CCDC51: variants seen among roughly 807,000 people sequenced by gnomAD.
CCDC51 encodes the protein coiled-coil domain containing 51, also known as mitochondrial potassium channel.
CCDC51 carries 25 observed loss-of-function variants against 24.8 expected under a neutral mutation model. The observed-to-expected ratio is 1.01, with a 90% CI of 0.73 to 1.41. CCDC51 has a LOEUF of 1.41. CCDC51 is among the 40% of genes most tolerant of loss of function. CCDC51 has a pLI of 0.00. For synonymous variants in CCDC51, 190 were observed against 204.3 expected, an observed-to-expected ratio of 0.93 and a Z score of 0.60; for missense variants, 466 against 519.1, an observed-to-expected ratio of 0.90 and a Z score of 0.99.
chr3:48,442,697 GC>G (rs2039598259), upstream of CCDC51, among the ~76,000 whole-genome samples: 1 of 151,804 alleles, frequency 6.6e-6, no homozygotes, highest in Non-Finnish European at 1.5e-5. Context: ...TGATCCACCC[GC>G]CTCCACCTCC....
chr3:48,440,668 T>C (rs2039538379), upstream of CCDC51: 2 of 1,571,212 alleles, frequency 1.3e-6, no homozygotes, highest in Non-Finnish European at 1.7e-6. Context: ...GGCCAAACGC[T>C]ATGAGCACCT....
upstream of CCDC51, among the ~76,000 whole-genome samples, chr3:48,442,450 C>T (rs2039592468): frequency 6.8e-6 from 1 of 147,470 alleles, no homozygotes; most frequent in Non-Finnish European, 1.5e-5. Flanking sequence ...TGTAACCCTA[C>T]ACTTTTTTTT....
chr3:48,443,730 GT>G, upstream of CCDC51: 1 of 670,774 alleles, frequency 1.5e-6, no homozygotes, highest in African/African-American at 1.9e-5. Flanking sequence ...ATCCATGCTT[GT>G]GTTAAAGTGA....
chr3:48,445,143 A>T (rs2039645088), upstream of CCDC51: 1 of 151,384 alleles, frequency 6.6e-6, no homozygotes, highest in Non-Finnish European at 1.5e-5. Flanking sequence ...ACTGCACTCC[A>T]GCCTGGGAGA....
At position 48,435,649 on chromosome 3, in the gene CCDC51, C is replaced by T. The variant is rs1358293595; in HGVS notation, c.-8-513G>A. Among the ~76,000 whole-genome samples, 1 of 152,160 alleles carries T rather than the reference C, an allele frequency of 6.6e-6. No individual in the cohort carries two copies. Among genetic ancestry groups the T allele is most frequent in the Non-Finnish European group, 1.5e-5 (1 of 68,030 alleles). On this transcript the variant is annotated intron_variant, in intron 1 of 3. Transcript: ENST00000395694. This position sits in a 1 kb window ranked among gnomAD's most constrained non-coding sequence, Gnocchi z 4.2. ...ACAGCCTCAAAACCAACTCCCCAGACTCTCCAAGGACTGCCTCAGCACAAG... is the reference window on the plus strand; with the variant it reads ...ACAGCCTCAAAACCAACTCCCCAGATTCTCCAAGGACTGCCTCAGCACAAG...
At chr3:48,441,651 C>T (rs1021873107), upstream of CCDC51, among the ~76,000 whole-genome samples, 1 of 152,166 alleles carries the variant, frequency 6.6e-6, no homozygotes, top group Non-Finnish European at 1.5e-5. Context: ...TTTTTTACAT[C>T]TTTTATGTAG....
At chr3:48,445,603 G>A in the CCDC51 span, among the ~76,000 whole-genome samples, 1 of 152,210 alleles carries the variant, frequency 6.6e-6, no homozygotes, top group Non-Finnish European at 1.5e-5. Context: ...TCCAGGACCA[G>A]AGTCCTGCAG....
chr3:48,440,339 G>A (rs2039526098), upstream of CCDC51: 4 of 1,611,686 alleles, frequency 2.5e-6, no homozygotes, highest in Non-Finnish European at 2.5e-6. Context: ...CGTGAGGACT[G>A]CGGGGACGGC....
In CCDC51 at chr3:48,433,555, T is replaced by C. The variant is rs1011960620; in HGVS notation, c.477+152A>G. 4 of 808,774 alleles carry C rather than the reference T, an allele frequency of 4.9e-6. No individual in the cohort carries two copies. The highest frequency in any genetic ancestry group is 5.9e-6 in the Non-Finnish European group (3 of 507,524). The allele number at this position is 808,774 out of a possible 1,614,324, so 50.1% of individuals were successfully genotyped here. On this transcript the variant is annotated intron_variant, in intron 3 of 3. Transcript: ENST00000395694. This position sits in a 1 kb window ranked among gnomAD's most constrained non-coding sequence, Gnocchi z 4.4. Reference sequence around the variant, plus strand: ...AAGTATATGGATAGACTCTGGAAGCTTGGGGTTCTGTCCATCCATAGGAGC... The same window carrying C: ...AAGTATATGGATAGACTCTGGAAGCCTGGGGTTCTGTCCATCCATAGGAGC...
Position 48,433,206 on chromosome 3 carries a change from A to C in CCDC51, c.478-40T>G. On this transcript the variant is annotated intron_variant, in intron 3 of 3. Coordinates refer to ENST00000395694, the MANE Select transcript of CCDC51 (RefSeq NM_001256964.2). The surrounding 1 kb of genome is among the most constrained non-coding windows in gnomAD (Gnocchi z 4.4). ...CCATGTTATTGGATTACATGGGCAC[A>C]AGGTGGCCCTGCAGCTATAGCCACC... 6.3e-7 allele frequency: 1 copy of C among 1,586,870 alleles called. No homozygotes were observed. Among genetic ancestry groups the C allele is most frequent in the Non-Finnish European group, 8.6e-7 (1 of 1,164,098 alleles).
intron 1 of CCDC51, among the ~76,000 whole-genome samples, chr3:48,436,385 G>A (rs545147413): frequency 7.9e-5 from 12 of 152,314 alleles, no homozygotes; most frequent in Middle Eastern, 3.4e-3. Context: ...GAAGCTCAGC[G>A]GCTTTGAAAA....
chr3:48,440,059 G>C lies in CCDC51; in HGVS notation c.-80C>G. 1 of 653,936 alleles carries C rather than the reference G, an allele frequency of 1.5e-6. No homozygotes were observed. Among genetic ancestry groups the C allele is most frequent in the South Asian group, 2.3e-5 (1 of 43,546 alleles). 40.5% of individuals were successfully genotyped at this position (653,936 alleles called of 1,614,324 possible). A position where few individuals can be genotyped will look rare whatever the true frequency, so the allele number is the denominator to read the frequency against. ...GGTTAAGTACCCCTCCTACGGTTCC[G>C]ATTCTACCCTGGCAGGACAACCCTA... On this transcript the variant is annotated 5_prime_UTR_variant, in exon 1 of 4. In the 5' UTR this introduces an upstream ATG that the reference lacks. Coordinates refer to ENST00000395694, the MANE Select transcript of CCDC51 (RefSeq NM_001256964.2).
At chr3:48,441,248 C>G (rs981985695), upstream of CCDC51, among the ~76,000 whole-genome samples, 2 of 152,016 alleles carry the variant, frequency 1.3e-5, no homozygotes, top group African/African-American at 2.4e-5. Flanking sequence ...GTTTCACCAT[C>G]TTAGCCAGGC....
upstream of CCDC51, among the ~76,000 whole-genome samples, chr3:48,442,397 T>C (rs2039591669): frequency 1.3e-5 from 2 of 152,124 alleles, no homozygotes; most frequent in African/African-American, 4.8e-5. Flanking sequence ...TTAAGGTTTA[T>C]TTTGTCAGGC....
intron 2 of CCDC51, 58 bp downstream of exon 2, chr3:48,434,759 G>A: frequency 6.7e-7 from 1 of 1,483,940 alleles, no homozygotes; most frequent in Non-Finnish European, 9.2e-7. Context: ...CACGTGACTG[G>A]TTTGGCACAT....
upstream of CCDC51, among the ~76,000 whole-genome samples, chr3:48,445,397 T>G (rs1344552160): frequency 6.6e-6 from 1 of 152,236 alleles, no homozygotes; most frequent in Non-Finnish European, 1.5e-5. Flanking sequence ...GAAGCCTGTG[T>G]TGGTCCTCTC....
At chr3:48,443,848 C>T, upstream of CCDC51, 1 of 1,558,210 alleles carries the variant, frequency 6.4e-7, no homozygotes. Flanking sequence ...TCTTTTGCAG[C>T]CACAGGTGGA....
chr3:48,434,553 A>C (rs1406032534), intron 2 of CCDC51, among the ~76,000 whole-genome samples: 2 of 152,132 alleles, frequency 1.3e-5, no homozygotes, highest in Non-Finnish European at 2.9e-5. Flanking sequence ...TCAATCCCCA[A>C]ATGGTCCACA....
Position 48,434,811 on chromosome 3 carries a change from C to T in CCDC51, c.312+6G>A. ...CGGGGCCAGCCACCCCAGCTCCCCT[C>T]CTCACCTCTGTCACCTTTCCCTGGG... On this transcript the variant is annotated splice_donor_region_variant and intron_variant, in intron 2 of 3. Transcript: ENST00000395694. 3 of 1,585,088 alleles carry T rather than the reference C, an allele frequency of 1.9e-6. No homozygotes were observed. The highest frequency in any genetic ancestry group is 1.3e-5 in the African/African-American group (1 of 74,726).
Sources: allele counts gnomAD v4.1 joint callset (sites outside exome capture counted in the v4.1 genomes callset), GRCh38; gene constraint gnomAD v4.1.1; non-coding constraint Gnocchi (gnomAD v3.1); transcripts MANE v1.5; gene names NCBI Gene and HGNC (gene_info 2026-07-23, HGNC 2026-07-21).